LIMS2: variants seen among roughly 807,000 people sequenced by gnomAD.
LIMS2 encodes LIM and senescent cell antigen-like-containing domain protein 2.
A neutral mutation model predicts 45.3 loss-of-function variants in LIMS2; 30 were observed. The observed-to-expected ratio is 0.66, with a 90% CI of 0.50 to 0.90. LIMS2 has a LOEUF of 0.90. Among genes scored for constraint, LIMS2 ranks in the 40% least tolerant of loss-of-function variants. The pLI, the probability that LIMS2 is intolerant of heterozygous loss-of-function variation, is 0.00. For missense variants in LIMS2, 485 were observed against 468.7 expected, an observed-to-expected ratio of 1.03 and a Z score of -0.32; for synonymous variants, 173 against 188.0, an observed-to-expected ratio of 0.92 and a Z score of 0.65.
In LIMS2 at chr2:127,671,051, G is replaced by A. The variant is rs548006637; in HGVS notation, c.11+3963C>T. Reference sequence around the variant, plus strand: ...AATATTCACCTTCAGAAATGTACACGCTACACCTCAACAGAACAAGCAAGA... The same window carrying A: ...AATATTCACCTTCAGAAATGTACACACTACACCTCAACAGAACAAGCAAGA... On this transcript the variant is annotated intron_variant, in intron 1 of 9. Coordinates refer to ENST00000355119, the MANE Select transcript of LIMS2 (RefSeq NM_001161403.3). The surrounding 1 kb of genome is among the most constrained non-coding windows in gnomAD (Gnocchi z 4.1). Among the ~76,000 whole-genome samples, 11 of 152,268 alleles carry A rather than the reference G, an allele frequency of 7.2e-5. No individual in the cohort carries two copies. In the South Asian group the frequency reaches 2.1e-3, roughly 29 times the overall value.
chr2:127,650,734 G>A, intron 4 of LIMS2: 1 of 1,607,454 alleles, frequency 6.2e-7, no homozygotes. Context: ...TCCAGCCAAA[G>A]CATGAATGGC....
chr2:127,667,070 G>C lies in LIMS2; in HGVS notation c.11+7944C>G, dbSNP rs1012018593. Among the ~76,000 whole-genome samples, 1 of 152,166 alleles carries C rather than the reference G, an allele frequency of 6.6e-6. No homozygotes were observed. The highest frequency in any genetic ancestry group is 1.5e-5 in the Non-Finnish European group (1 of 68,040). On this transcript the variant is annotated intron_variant, in intron 1 of 9. Coordinates refer to ENST00000355119, the MANE Select transcript of LIMS2 (RefSeq NM_001161403.3). The surrounding 1 kb of genome is among the most constrained non-coding windows in gnomAD (Gnocchi z 4.1). Reference sequence around the variant, plus strand: ...ACTTGTCACAAAGTAAAGCCAGAGCGACATGGCTTCACTGATGAATTATAT... The same window carrying C: ...ACTTGTCACAAAGTAAAGCCAGAGCCACATGGCTTCACTGATGAATTATAT...
intron 2 of LIMS2, chr2:127,655,193 T>A: frequency 1.9e-6 from 1 of 525,894 alleles, no homozygotes; most frequent in Non-Finnish European, 3.4e-6. Context: ...GAGAACAGGC[T>A]GGGGGCGAGG....
intron 4 of LIMS2, chr2:127,643,600 A>G (rs1227114609): frequency 2.2e-6 from 1 of 456,648 alleles, no homozygotes; most frequent in Non-Finnish European, 4.4e-6. Flanking sequence ...CCCCAAACCC[A>G]GGAACTGTCA....
chr2:127,643,251 T>C, intron 4 of LIMS2, 179 bp from the exon 5 acceptor site: 1 of 643,816 alleles, frequency 1.6e-6, no homozygotes, highest in Non-Finnish European at 2.7e-6. Context: ...GTCACAAGTG[T>C]GTCCTGGGAA....
chr2:127,669,377 ACAAT>A (rs1020989689), intron 1 of LIMS2, among the ~76,000 whole-genome samples: 28 of 152,260 alleles, frequency 1.8e-4, no homozygotes, highest in Admixed American at 1.3e-4. Context: ...ATCAAACGAC[ACAAT>A]CAAGAAAGTG....
chr2:127,662,368 C>A (rs1222421861), intron 1 of LIMS2, among the ~76,000 whole-genome samples: 2 of 151,922 alleles, frequency 1.3e-5, no homozygotes, highest in Non-Finnish European at 2.9e-5. Flanking sequence ...CGGGGAGGGA[C>A]CCTACTGCAG....
chr2:127,643,602 G>T (rs953846309), intron 4 of LIMS2: 6 of 456,472 alleles, frequency 1.3e-5, no homozygotes, highest in African/African-American at 1.2e-4. Context: ...CCAAACCCAG[G>T]AACTGTCACT....
At chr2:127,669,222 A>T (rs943187350) in intron 1 of LIMS2, among the ~76,000 whole-genome samples, 1 of 152,258 alleles carries the variant, frequency 6.6e-6, no homozygotes, top group Admixed American at 6.5e-5. Flanking sequence ...CTACATGCTA[A>T]CAGTATAAAA....
upstream of LIMS2, among the ~76,000 whole-genome samples, chr2:127,678,672 TGTG>T (rs1685552042): frequency 6.6e-6 from 1 of 152,020 alleles, no homozygotes; most frequent in Non-Finnish European, 1.5e-5. The surrounding 1 kb of genome is among the most constrained non-coding windows in gnomAD (Gnocchi z 5.3). Context: ...GTGTGGTGGT[TGTG>T]GGGCAGGTGT....
intron 2 of LIMS2, among the ~76,000 whole-genome samples, chr2:127,656,917 A>G (rs1323740595): frequency 2.0e-5 from 3 of 151,966 alleles, no homozygotes; most frequent in Non-Finnish European, 4.4e-5. Context: ...ACTGCTCTCC[A>G]TACACCCCAT....
chr2:127,647,213 G>A lies in LIMS2; in HGVS notation c.360-4141C>T, dbSNP rs1683083811. The stretch of plus-strand genomic sequence containing the variant: ...GGCTGCACATTCTCATTTCATACAT[G>A]GGCCCCTAAAATGAGGGAGTGGCCC... On this transcript the variant is annotated intron_variant, in intron 4 of 9. Coordinates refer to ENST00000355119, the MANE Select transcript of LIMS2 (RefSeq NM_001161403.3). This position sits in a 1 kb window ranked among gnomAD's most constrained non-coding sequence, Gnocchi z 4.3. Among the ~76,000 whole-genome samples, 2 of 152,158 alleles carry A rather than the reference G, an allele frequency of 1.3e-5. No individual in the cohort carries two copies. The highest frequency in any genetic ancestry group is 4.1e-4 in the South Asian group (2 of 4,828).
Position 127,664,202 on chromosome 2 carries a change from A to T in LIMS2, c.12-6640T>A. The T allele has an allele frequency of 2.1e-6, 2 of 953,822 alleles. No individual in the cohort carries two copies. The highest frequency in any genetic ancestry group is 2.7e-6 in the Non-Finnish European group (2 of 753,394). 59.1% of individuals were successfully genotyped at this position (953,822 alleles called of 1,614,324 possible). The stretch of plus-strand genomic sequence containing the variant: ...CCCATCCGACGCCGGGGCAGAGCCC[A>T]CGGCGTCGGAGGGCCCCGGTCGGGT... On this transcript the variant is annotated intron_variant, in intron 1 of 9. Coordinates refer to ENST00000355119, the MANE Select transcript of LIMS2 (RefSeq NM_001161403.3). This position sits in a 1 kb window ranked among gnomAD's most constrained non-coding sequence, Gnocchi z 5.5.
intron 4 of LIMS2, chr2:127,646,078 A>C (rs1682942272): frequency 6.5e-6 from 1 of 152,788 alleles, no homozygotes; most frequent in African/African-American, 2.4e-5. Context: ...TCAGGAATGA[A>C]GCAGCCTTTC....
At position 127,653,173 on chromosome 2, in the gene LIMS2, C is replaced by T. The variant is rs747358994; in HGVS notation, c.359+1251G>A. Among the ~76,000 whole-genome samples the T allele has an allele frequency of 8.5e-5, 13 of 152,202 alleles. No homozygotes were observed. Among genetic ancestry groups the T allele is most frequent in the Admixed American group, 2.6e-4 (4 of 15,282 alleles). ...GGCCCCAGGCCACGTGCCTCTCTCA[C>T]GGGCAGCACACGGACAAGAGCTCGG... On this transcript the variant is annotated intron_variant, in intron 4 of 9. Transcript: ENST00000355119. The surrounding 1 kb of genome is among the most constrained non-coding windows in gnomAD (Gnocchi z 5.3).
chr2:127,673,622 C>T (rs1685372517), intron 1 of LIMS2: 5 of 1,522,190 alleles, frequency 3.3e-6, no homozygotes, highest in African/African-American at 1.4e-5. Flanking sequence ...GCACCCTTCA[C>T]GGCTCTGTTC....
chr2:127,651,892 G>A lies in LIMS2; in HGVS notation c.359+2532C>T, dbSNP rs192040955. ...CAGATGCCCACCATTTCTCTAGATC[G>A]CCTAGTCTCAACCCATAAAAAGGAA... is the stretch of plus-strand genomic sequence containing the variant. On this transcript the variant is annotated intron_variant, in intron 4 of 9. Coordinates refer to ENST00000355119, the MANE Select transcript of LIMS2 (RefSeq NM_001161403.3). 5.5e-4 allele frequency: 441 copies of A among 796,090 alleles called. 1 individual carries two copies. In the East Asian group the frequency reaches 0.01, roughly 19 times the overall value. The allele number at this position is 796,090 out of a possible 1,614,324, so 49.3% of individuals were successfully genotyped here.
chr2:127,668,696 A>C (rs866991126), intron 1 of LIMS2, among the ~76,000 whole-genome samples: 1,069 of 112,464 alleles, frequency 9.5e-3, no homozygotes, highest in Middle Eastern at 0.015. Context: ...AAAAAAAAAA[A>C]AAAAAAAAAA....
In LIMS2 at chr2:127,647,693, C is replaced by T. The variant is rs1308463280; in HGVS notation, c.360-4621G>A. Reference sequence around the variant, plus strand: ...GTCTCCAGGGCCTCCCCGCACACACCTTCCTCCTCTCCTGCCAACCTGAAA... The same window carrying T: ...GTCTCCAGGGCCTCCCCGCACACACTTTCCTCCTCTCCTGCCAACCTGAAA... On this transcript the variant is annotated intron_variant, in intron 4 of 9. Coordinates refer to ENST00000355119, the MANE Select transcript of LIMS2 (RefSeq NM_001161403.3). This position sits in a 1 kb window ranked among gnomAD's most constrained non-coding sequence, Gnocchi z 4.3. Among the ~76,000 whole-genome samples, 1 of 152,046 alleles carries T rather than the reference C, an allele frequency of 6.6e-6. No homozygotes were observed. Among genetic ancestry groups the T allele is most frequent in the Non-Finnish European group, 1.5e-5 (1 of 68,002 alleles).
Sources: allele counts gnomAD v4.1 joint callset (sites outside exome capture counted in the v4.1 genomes callset), GRCh38; gene constraint gnomAD v4.1.1; non-coding constraint Gnocchi (gnomAD v3.1); transcripts MANE v1.5; gene names NCBI Gene and HGNC (gene_info 2026-07-23, HGNC 2026-07-21).